The following CHERP variants were observed in gnomAD, a reference collection of about 807,000 sequenced individuals.
CHERP encodes ERPROT 213-21.
Under a neutral mutation model 113.8 loss-of-function variants are expected in CHERP, and 8 were observed. The ratio of observed to expected loss-of-function variants is 0.07; its 90% confidence interval spans 0.04 to 0.13. CHERP has a LOEUF of 0.13. Ranked by LOEUF, CHERP falls within the 10% of genes least tolerant of loss-of-function variation. The probability of loss-of-function intolerance (pLI) is 1.00; values close to 1 mark genes in which losing one functional copy is unlikely to be tolerated. For missense variants in CHERP, 884 were observed against 1,298.2 expected, an observed-to-expected ratio of 0.68 and a Z score of 4.90; for synonymous variants, 559 against 524.5, an observed-to-expected ratio of 1.07 and a Z score of -0.90.
rs769141978 is a variant in CHERP at position 16,530,829 on chromosome 19, C to T, written c.726G>A (p.Val242=). 1 of 1,613,910 alleles carries T rather than the reference C, an allele frequency of 6.2e-7. No homozygotes were observed. The highest frequency in any genetic ancestry group is 2.2e-5 in the East Asian group (1 of 44,874). Residue 242 remains valine, a synonymous_variant, in exon 6 of 17, where the codon GTG becomes GTA. Coordinates refer to ENST00000546361, the MANE Select transcript of CHERP (RefSeq NM_006387.6). This position sits in a 1 kb window ranked among gnomAD's most constrained non-coding sequence, Gnocchi z 4.1. ...ELLAALQKVV[V]PIYCTSFLAV... ...CCAAGAAGCTGGTGCAGTAGATGGG[C>T]ACCACGACCTTCTGCAGGGCGGCCA... is the stretch of plus-strand genomic sequence containing the variant.
In CHERP at chr19:16,535,385, A is replaced by G; in HGVS notation, c.384+67T>C. ...CTGACACCTGTTATTCATTCTGATG[A>G]GCAGACGCAAAAACAGAGGCACAGG... On this transcript the variant is annotated intron_variant, in intron 3 of 16. Transcript: ENST00000546361. This position sits in a 1 kb window ranked among gnomAD's most constrained non-coding sequence, Gnocchi z 4.3. 6.6e-7 allele frequency: 1 copy of G among 1,521,736 alleles called. No homozygotes were observed. The highest frequency in any genetic ancestry group is 8.9e-7 in the Non-Finnish European group (1 of 1,123,726). The allele number at this position is 1,521,736 out of a possible 1,614,324, so 94.3% of individuals were successfully genotyped here.
rs2085708892 is a variant in CHERP, at chr19:16,532,039, T to C, written c.674+559A>G. On this transcript the variant is annotated intron_variant, in intron 5 of 16. Transcript: ENST00000546361. The surrounding 1 kb of genome is among the most constrained non-coding windows in gnomAD (Gnocchi z 4.4). ...TGTAGAAGGAAATACCCACCCAACCTTGGGGAGGGTGGAGACAGCAACAGT... is the reference window on the plus strand; with the variant it reads ...TGTAGAAGGAAATACCCACCCAACCCTGGGGAGGGTGGAGACAGCAACAGT... 1 of 149,848 alleles carries C rather than the reference T, an allele frequency of 6.7e-6. No homozygotes were observed. Among genetic ancestry groups the C allele is most frequent in the African/African-American group, 2.5e-5 (1 of 40,104 alleles). The allele number at this position is 149,848 out of a possible 1,614,324, so 9.3% of individuals were successfully genotyped here.
At chr19:16,541,705 CTCTGTG>C in intron 2 of CHERP, 159 bp downstream of exon 2, 1 of 693,634 alleles carries the variant, frequency 1.4e-6, no homozygotes, top group South Asian at 2.1e-5. Flanking sequence ...CCAGCAGCCG[CTCTGTG>C]CAGGGCCGTG....
chr19:16,521,082 C>T, intron 12 of CHERP, 170 bp from the exon 13 acceptor site: 1 of 643,688 alleles, frequency 1.6e-6, no homozygotes, highest in Non-Finnish European at 2.8e-6. Flanking sequence ...ACAGGGCTGT[C>T]CTCCTGCAGC....
intron 2 of CHERP, among the ~76,000 whole-genome samples, chr19:16,537,396 C>T (rs946604410): frequency 6.6e-6 from 1 of 152,142 alleles, no homozygotes; most frequent in African/African-American, 2.4e-5. Flanking sequence ...ACATGAGCTA[C>T]TCATTCCTGT....
chr19:16,540,935 T>G (rs1406298295), intron 2 of CHERP, among the ~76,000 whole-genome samples: 6 of 152,110 alleles, frequency 3.9e-5, no homozygotes, highest in Non-Finnish European at 5.9e-5. Flanking sequence ...TAACCTCAAG[T>G]GATCTGCCCG....
chr19:16,529,899 G>C lies in CHERP; in HGVS notation c.878C>G (p.Ala293Gly). 2 of 1,612,398 alleles carry C rather than the reference G, an allele frequency of 1.2e-6. No individual in the cohort carries two copies. Among genetic ancestry groups the C allele is most frequent in the Non-Finnish European group, 1.7e-6 (2 of 1,179,256 alleles). ...SPALGLGQYQ[A>G]TLINEYSSVV... ...TGAGGAGTACTCGTTGATGAGGGTG[G>C]CCTGAGAGAGAGAAGAGCACCCGCT... The change falls in exon 8 of 17, where the codon GCC becomes GGC. Residue 293 changes from alanine (A) to glycine (G), a missense_variant and splice_region_variant. By Grantham distance (60) the Ala-to-Gly change is moderately conservative. This residue lies in a region of CHERP where 464 missense variants were observed against 590.1 expected (regional missense o/e 0.79). Coordinates refer to ENST00000546361, the MANE Select transcript of CHERP (RefSeq NM_006387.6).
rs745402709 is a variant in CHERP, at chr19:16,530,811, G to A, written c.744C>T (p.Ser248=). The A allele has an allele frequency of 1.2e-6, 2 of 1,613,962 alleles. No homozygotes were observed. Among genetic ancestry groups the A allele is most frequent in the Non-Finnish European group, 1.7e-6 (2 of 1,179,994 alleles). The part of the protein sequence containing the change: ...QKVVVPIYCT[S]FLAVEEDKQQ... ...GCTTGTCTTCCTCCACGGCCAAGAA[G>A]CTGGTGCAGTAGATGGGCACCACGA... Residue 248 remains serine (S), a synonymous_variant, in exon 6 of 17, where the codon AGC becomes AGT. Coordinates refer to ENST00000546361, the MANE Select transcript of CHERP (RefSeq NM_006387.6). This position sits in a 1 kb window ranked among gnomAD's most constrained non-coding sequence, Gnocchi z 4.1.
chr19:16,522,268 T>C (rs549968438), intron 11 of CHERP, among the ~76,000 whole-genome samples: 2,733 of 132,218 alleles, frequency 0.021, 54 homozygotes, highest in African/African-American at 0.06. Context: ...CAACCCCCCC[T>C]TTTTTTTTTT....
chr19:16,539,217 G>A (rs552240639), intron 2 of CHERP, among the ~76,000 whole-genome samples: 13 of 147,068 alleles, frequency 8.8e-5, no homozygotes, highest in South Asian at 4.3e-4. Context: ...GTGCGATCTC[G>A]GCTCACTGCA....
Position 16,523,931 on chromosome 19 carries a change from A to G in CHERP, c.1742-641T>C, listed in dbSNP as rs2085639495. On this transcript the variant is annotated intron_variant, in intron 10 of 16. Coordinates refer to ENST00000546361, the MANE Select transcript of CHERP (RefSeq NM_006387.6). The surrounding 1 kb of genome is among the most constrained non-coding windows in gnomAD (Gnocchi z 4.0). ...GCAATAAATGTGCCAAGCGGTCTTC[A>G]AGCTGCATTTATAATCAGAAATGTA... Among the ~76,000 whole-genome samples, 1 of 152,260 alleles carries G rather than the reference A, an allele frequency of 6.6e-6. No homozygotes were observed. Among genetic ancestry groups the G allele is most frequent in the South Asian group, 2.1e-4 (1 of 4,836 alleles).
At position 16,528,266 on chromosome 19, in the gene CHERP, G is replaced by A. The variant is rs752306508; in HGVS notation, c.1130-11C>T. 1.3e-6 allele frequency: 2 copies of A among 1,558,006 alleles called. No homozygotes were observed. Among genetic ancestry groups the A allele is most frequent in the African/African-American group, 1.4e-5 (1 of 72,964 alleles). The stretch of plus-strand genomic sequence containing the variant: ...GAGGCTTGCTGTCATCTAAATCCAA[G>A]TGACAGGCAGTTAGAGCAGGCCTGG... On this transcript the variant is annotated splice_polypyrimidine_tract_variant and intron_variant, in intron 8 of 16. Transcript: ENST00000546361.
intron 8 of CHERP, 117 bp downstream of exon 8, chr19:16,529,531 T>C (rs2085682116): frequency 1.5e-6 from 2 of 1,315,254 alleles, no homozygotes; most frequent in East Asian, 2.5e-5. Context: ...GGAGCAGGCC[T>C]GGGACGAGGG....
intron 2 of CHERP, among the ~76,000 whole-genome samples, chr19:16,539,019 C>T (rs2085759247): frequency 1.3e-5 from 2 of 152,142 alleles, no homozygotes; most frequent in African/African-American, 4.8e-5. Context: ...GCCCTGTTTG[C>T]TCCCCTGCAG....
Position 16,518,546 on chromosome 19 carries a change from A to G in CHERP, c.*613T>C, listed in dbSNP as rs2085570811. The G allele has an allele frequency of 6.6e-6, 1 of 152,376 alleles. No homozygotes were observed. The highest frequency in any genetic ancestry group is 1.5e-5 in the Non-Finnish European group (1 of 68,158). 9.4% of individuals were successfully genotyped at this position (152,376 alleles called of 1,614,324 possible). ...TCAGAATCTCACTGGGCCTCCTCTCAGGTCAGTATTCTTCTTTCTAGACCT... is the reference window on the plus strand; with the variant it reads ...TCAGAATCTCACTGGGCCTCCTCTCGGGTCAGTATTCTTCTTTCTAGACCT... On this transcript the variant is annotated 3_prime_UTR_variant, in exon 17 of 17. Transcript: ENST00000546361.
chr19:16,525,198 G>A lies in CHERP; in HGVS notation c.1741+44C>T, dbSNP rs1215420471. ...CACCAGCCTGCTCGGCAGGCGAGCCGTGGATGCCTCCGCCAGGCCCTACCC... is the reference window on the plus strand; with the variant it reads ...CACCAGCCTGCTCGGCAGGCGAGCCATGGATGCCTCCGCCAGGCCCTACCC... On this transcript the variant is annotated intron_variant, in intron 10 of 16. Coordinates refer to ENST00000546361, the MANE Select transcript of CHERP (RefSeq NM_006387.6). The surrounding 1 kb of genome is among the most constrained non-coding windows in gnomAD (Gnocchi z 6.5). 2.9e-6 allele frequency: 4 copies of A among 1,389,866 alleles called. No individual in the cohort carries two copies. The highest frequency in any genetic ancestry group is 9.4e-7 in the Non-Finnish European group (1 of 1,069,244). The allele number at this position is 1,389,866 out of a possible 1,614,324, so 86.1% of individuals were successfully genotyped here. A position where few individuals can be genotyped will look rare whatever the true frequency, so the allele number is the denominator to read the frequency against.
chr19:16,538,076 C>T (rs959997194), intron 2 of CHERP, among the ~76,000 whole-genome samples: 3 of 152,272 alleles, frequency 2.0e-5, no homozygotes, highest in Non-Finnish European at 2.9e-5. Context: ...CCCAGCTTCA[C>T]AACACAGACC....
rs953444047 is a variant in CHERP at position 16,525,765 on chromosome 19, G to C, written c.1306-88C>G. The stretch of plus-strand genomic sequence containing the variant: ...CAGCGCTCGGCAGCATCACAGCGCT[G>C]GCTCAGACCATGGAGGCGCTGCCCT... On this transcript the variant is annotated intron_variant, in intron 9 of 16. Transcript: ENST00000546361. This position sits in a 1 kb window ranked among gnomAD's most constrained non-coding sequence, Gnocchi z 6.5. The C allele has an allele frequency of 2.4e-6, 3 of 1,263,260 alleles. No individual in the cohort carries two copies. The African/African-American group carries it at 4.7e-5, about 20-fold the overall frequency. 78.3% of individuals were successfully genotyped at this position (1,263,260 alleles called of 1,614,324 possible).
intron 3 of CHERP, among the ~76,000 whole-genome samples, chr19:16,534,563 C>T (rs1432955167): frequency 1.3e-5 from 2 of 152,098 alleles, no homozygotes; most frequent in African/African-American, 2.4e-5. Flanking sequence ...GCAACCTTTT[C>T]CTCCCAGGTT....
Sources: gnomAD v4.1 joint callset for allele counts (sites outside exome capture counted in the v4.1 genomes callset) on GRCh38, gnomAD v4.1.1 for gene constraint, gnomAD v4.1.1 regional missense constraint, Gnocchi (gnomAD v3.1) non-coding constraint, MANE v1.5 for transcripts, NCBI Gene and HGNC (gene_info 2026-07-23, HGNC 2026-07-21) for gene names.